RIN3: variants seen among roughly 807,000 people sequenced by gnomAD.
RIN3 encodes Ras and Rab interactor 3, also known as RAB5 interacting protein 3.
In RIN3, 54 loss-of-function variants were observed where a neutral mutation model predicts 76.3. The observed-to-expected ratio is 0.71, with a 90% CI of 0.57 to 0.89. RIN3 has a LOEUF of 0.89. Ranked by LOEUF, RIN3 falls within the 40% of genes least tolerant of loss-of-function variation. RIN3 has a pLI of 0.00. For synonymous variants in RIN3, 576 were observed against 564.0 expected (o/e 1.02, Z -0.30); for missense variants, 1,256 against 1,322.1 (o/e 0.95, Z 0.78).
chr14:92,515,036 T>A, intron 1 of RIN3: 1 of 507,972 alleles, frequency 2.0e-6, no homozygotes, highest in South Asian at 2.9e-5. Context: ...GCCCATCTTG[T>A]GCAGTCCTGA....
chr14:92,665,338 G>T (rs112097633), intron 7 of RIN3, among the ~76,000 whole-genome samples: 2 of 147,340 alleles, frequency 1.4e-5, no homozygotes, highest in African/African-American at 5.0e-5. Context: ...TTCATTATGC[G>T]TTGCGTGACT....
Position 92,514,609 on chromosome 14 carries a change from G to A in RIN3, c.44+633G>A, listed in dbSNP as rs374827112. 4.3e-4 allele frequency among the ~76,000 whole-genome samples: 66 copies of A among 152,350 alleles called. No individual in the cohort carries two copies. The highest frequency in any genetic ancestry group is 1.4e-3 in the African/African-American group (58 of 41,604). ...GCCTAGTGCTTGGGTAGGGTCCAGG[G>A]CGCACGGGCTGCGCGCGGGCTGTGG... is the stretch of plus-strand genomic sequence containing the variant. On this transcript the variant is annotated intron_variant, in intron 1 of 9. Transcript: ENST00000216487. This position sits in a 1 kb window ranked among gnomAD's most constrained non-coding sequence, Gnocchi z 7.2.
At chr14:92,526,769 G>C (rs1896744727) in intron 1 of RIN3, among the ~76,000 whole-genome samples, 1 of 152,112 alleles carries the variant, frequency 6.6e-6, no homozygotes, top group African/African-American at 2.4e-5. Context: ...AATAAAAACT[G>C]AGCTGTGTCT....
Position 92,637,045 on chromosome 14 carries a change from G to A in RIN3, c.441-4193G>A, listed in dbSNP as rs10130770. Among the ~76,000 whole-genome samples the A allele has an allele frequency of 7.9e-3, 1,197 of 152,256 alleles. 12 individuals carry two copies. The highest frequency in any genetic ancestry group is 0.027 in the African/African-American group (1,111 of 41,540). On this transcript the variant is annotated intron_variant, in intron 4 of 9. Coordinates refer to ENST00000216487, the MANE Select transcript of RIN3 (RefSeq NM_024832.5). Reference sequence around the variant, plus strand: ...CTTTTTGGCACCAGGGACCACTTTCGTGGAAGACAATTTTTCCACGGGCCA... The same window carrying A: ...CTTTTTGGCACCAGGGACCACTTTCATGGAAGACAATTTTTCCACGGGCCA...
intron 3 of RIN3, among the ~76,000 whole-genome samples, chr14:92,611,821 G>A (rs7140450): frequency 0.5 from 76,175 of 152,018 alleles, 19,935 homozygotes; most frequent in Admixed American, 0.61. Context: ...TGGGTAATTT[G>A]TAAGAAAAGA....
intron 7 of RIN3, among the ~76,000 whole-genome samples, chr14:92,666,430 G>A (rs149671355): frequency 1.4e-4 from 22 of 152,266 alleles, no homozygotes; most frequent in African/African-American, 4.6e-4. Flanking sequence ...GCCAGTGGCC[G>A]GCCTGGGAAT....
intron 7 of RIN3, among the ~76,000 whole-genome samples, chr14:92,669,061 C>A (rs11623691): frequency 0.27 from 40,633 of 152,156 alleles, 6,905 homozygotes; most frequent in Non-Finnish European, 0.36. Flanking sequence ...ACAATTCAAG[C>A]TAAAAACAAG....
chr14:92,561,153 A>ATT (rs1897766330), intron 2 of RIN3, among the ~76,000 whole-genome samples: 2 of 127,066 alleles, frequency 1.6e-5, no homozygotes, highest in South Asian at 2.3e-4. Flanking sequence ...ATTTTTATAT[A>ATT]TATATTTATA....
intron 1 of RIN3, among the ~76,000 whole-genome samples, chr14:92,536,282 T>G (rs1430308041): frequency 6.6e-6 from 1 of 152,212 alleles, no homozygotes; most frequent in Non-Finnish European, 1.5e-5. Context: ...AGACCGTTTG[T>G]GTAGAATTGA....
intron 1 of RIN3, among the ~76,000 whole-genome samples, chr14:92,551,815 A>G (rs1897433420): frequency 1.3e-5 from 2 of 152,086 alleles, no homozygotes; most frequent in Admixed American, 6.5e-5. Flanking sequence ...TCTCTGTTGG[A>G]TATATGTTTT....
At chr14:92,564,170 A>G (rs996979359) in intron 2 of RIN3, among the ~76,000 whole-genome samples, 1 of 152,272 alleles carries the variant, frequency 6.6e-6, no homozygotes, top group African/African-American at 2.4e-5. Flanking sequence ...GCCAAAAATG[A>G]ATAGTAAAAA....
At chr14:92,632,305 G>C (rs1037020167) in intron 4 of RIN3, among the ~76,000 whole-genome samples, 2 of 152,104 alleles carry the variant, frequency 1.3e-5, no homozygotes, top group Non-Finnish European at 2.9e-5. Flanking sequence ...TTCGTGACTG[G>C]CTCCTGCTGA....
chr14:92,537,846 T>A (rs10147724), intron 1 of RIN3, among the ~76,000 whole-genome samples: 62,069 of 148,100 alleles, frequency 0.42, 13,340 homozygotes, highest in Middle Eastern at 0.48. Context: ...TATTTATTTT[T>A]TTTTTTTTGA....
At position 92,631,364 on chromosome 14, in the gene RIN3, T is replaced by G. The variant is rs575534718; in HGVS notation, c.441-9874T>G. 1.1e-3 allele frequency among the ~76,000 whole-genome samples: 165 copies of G among 152,296 alleles called. 2 individuals are homozygous for G. Among genetic ancestry groups the G allele is most frequent in the Non-Finnish European group, 2.1e-3 (142 of 68,016 alleles). The stretch of plus-strand genomic sequence containing the variant: ...CTCAATCCAGCACTCAGGAAGCACA[T>G]TCTGTGCTCTGTCTGCAGCCTCTGC... On this transcript the variant is annotated intron_variant, in intron 4 of 9. Coordinates refer to ENST00000216487, the MANE Select transcript of RIN3 (RefSeq NM_024832.5).
In RIN3 at chr14:92,568,106, T is replaced by G. The variant is rs1897964398; in HGVS notation, c.250-9254T>G. Among the ~76,000 whole-genome samples, 1 of 152,104 alleles carries G rather than the reference T, an allele frequency of 6.6e-6. No homozygotes were observed. Among genetic ancestry groups the G allele is most frequent in the South Asian group, 2.1e-4 (1 of 4,806 alleles). Reference sequence around the variant, plus strand: ...GAGGGGCAGAGGTAGTATTTGTGTTTCACTGTGTCTCTAAATAGCTGGCTG... The same window carrying G: ...GAGGGGCAGAGGTAGTATTTGTGTTGCACTGTGTCTCTAAATAGCTGGCTG... On this transcript the variant is annotated intron_variant, in intron 2 of 9. Coordinates refer to ENST00000216487, the MANE Select transcript of RIN3 (RefSeq NM_024832.5). The surrounding 1 kb of genome is among the most constrained non-coding windows in gnomAD (Gnocchi z 4.2).
rs1886241562 is a variant in RIN3 at position 92,623,088 on chromosome 14, A to C, written c.440+7609A>C. On this transcript the variant is annotated intron_variant, in intron 4 of 9. Transcript: ENST00000216487. The surrounding 1 kb of genome is among the most constrained non-coding windows in gnomAD (Gnocchi z 4.9). ...AGCACAGCTATTGCGATTGCGAGAG[A>C]GGTAACAATAGAGGCCATGAGTCCT... 6.6e-6 allele frequency among the ~76,000 whole-genome samples: 1 copy of C among 152,246 alleles called. No individual in the cohort carries two copies. The highest frequency in any genetic ancestry group is 1.5e-5 in the Non-Finnish European group (1 of 68,050).
intron 5 of RIN3, chr14:92,644,657 C>T (rs1418350902): frequency 6.6e-6 from 1 of 152,228 alleles, no homozygotes. Context: ...GACCTGGTGT[C>T]CCCGAGTGCT....
chr14:92,519,445 C>A (rs1361890645), intron 1 of RIN3, among the ~76,000 whole-genome samples: 1 of 152,140 alleles, frequency 6.6e-6, no homozygotes, highest in East Asian at 1.9e-4. Flanking sequence ...GGAGTAGCCT[C>A]TCGAGGGTGG....
chr14:92,668,730 ACTCT>A (rs895568922), intron 7 of RIN3, among the ~76,000 whole-genome samples: 5 of 152,056 alleles, frequency 3.3e-5, no homozygotes, highest in African/African-American at 1.2e-4. Context: ...TTTCCAGGAA[ACTCT>A]CTAGGGGCCA....
Sources: allele counts gnomAD v4.1 joint callset (sites outside exome capture counted in the v4.1 genomes callset), GRCh38; gene constraint gnomAD v4.1.1; non-coding constraint Gnocchi (gnomAD v3.1); transcripts MANE v1.5; gene names NCBI Gene and HGNC (gene_info 2026-07-23, HGNC 2026-07-21).